ITPR1: variants seen among roughly 807,000 people sequenced by gnomAD.
ITPR1 encodes inositol 1,4,5-trisphosphate-gated calcium channel ITPR1.
In ITPR1, 96 loss-of-function variants were observed where a neutral mutation model predicts 318.4. The ratio of observed to expected loss-of-function variants is 0.30; its 90% CI spans 0.26 to 0.36. ITPR1 has a LOEUF of 0.36. Ranked by LOEUF, ITPR1 falls within the 10% of genes least tolerant of loss-of-function variation. ITPR1 has a pLI of 1.00. For synonymous variants in ITPR1, 1,312 were observed against 1,289.9 expected, an observed-to-expected ratio of 1.02 and a Z score of -0.37; for missense variants, 2,440 against 3,460.2, an observed-to-expected ratio of 0.71 and a Z score of 7.40.
intron 60 of ITPR1, among the ~76,000 whole-genome samples, chr3:4,822,398 C>G (rs547110838): frequency 1.3e-5 from 2 of 152,334 alleles, no homozygotes; most frequent in South Asian, 4.1e-4. Context: ...CTCTAAGAGC[C>G]TCCTCCTCTG....
At chr3:4,706,880 A>G (rs1359061733) in intron 37 of ITPR1, among the ~76,000 whole-genome samples, 1 of 152,214 alleles carries the variant, frequency 6.6e-6, no homozygotes, top group Non-Finnish European at 1.5e-5. Context: ...ATTAGATGTT[A>G]AGCACTTAAA....
intron 51 of ITPR1, among the ~76,000 whole-genome samples, chr3:4,784,391 G>A (rs1221829896): frequency 6.6e-6 from 1 of 151,992 alleles, no homozygotes; most frequent in Non-Finnish European, 1.5e-5. Flanking sequence ...AGGCTTCAAG[G>A]CTCAGGGCAT....
At chr3:4,549,877 C>A (rs906262834) in intron 4 of ITPR1, among the ~76,000 whole-genome samples, 1 of 152,080 alleles carries the variant, frequency 6.6e-6, no homozygotes, top group African/African-American at 2.4e-5. Flanking sequence ...CGGAACCTTT[C>A]GAGGGCAGAA....
chr3:4,754,920 GAA>G (rs2044837619), intron 44 of ITPR1, among the ~76,000 whole-genome samples: 1 of 152,214 alleles, frequency 6.6e-6, no homozygotes, highest in South Asian at 2.1e-4. Context: ...GACTTGGCTG[GAA>G]GAGACAGACG....
chr3:4,779,716 T>A lies in ITPR1; in HGVS notation c.6387+71T>A, dbSNP rs2046699614. The A allele has an allele frequency of 2.8e-6, 3 of 1,086,818 alleles. No individual in the cohort carries two copies. The highest frequency in any genetic ancestry group is 4.9e-5 in the East Asian group (2 of 40,918). The allele number at this position is 1,086,818 out of a possible 1,614,324, so 67.3% of individuals were successfully genotyped here. ...ACGATATTTGGGACAGAGCAGAGGA[T>A]CTGCTTCCTGGAGCTTTCTTGAAGG... On this transcript the variant is annotated intron_variant, in intron 49 of 61. Transcript: ENST00000649015. This position sits in a 1 kb window ranked among gnomAD's most constrained non-coding sequence, Gnocchi z 4.0.
intron 60 of ITPR1, 80 bp downstream of exon 60, chr3:4,818,322 G>T (rs2049440757): frequency 8.7e-7 from 1 of 1,148,478 alleles, no homozygotes; most frequent in Non-Finnish European, 1.2e-6. Flanking sequence ...GCCCATCGGG[G>T]AGCTGCACAA....
intron 4 of ITPR1, among the ~76,000 whole-genome samples, chr3:4,543,521 G>C (rs1018164846): frequency 1.3e-5 from 2 of 152,214 alleles, no homozygotes; most frequent in African/African-American, 4.8e-5. Flanking sequence ...GTAATCAAGG[G>C]ATAAAGAATG....
chr3:4,506,661 G>A (rs1400326749), intron 2 of ITPR1, among the ~76,000 whole-genome samples: 1 of 152,154 alleles, frequency 6.6e-6, no homozygotes. Flanking sequence ...TATAGGGGTG[G>A]CATATAGTAG....
intron 4 of ITPR1, among the ~76,000 whole-genome samples, chr3:4,558,369 T>A (rs943168183): frequency 6.6e-6 from 1 of 152,192 alleles, no homozygotes; most frequent in South Asian, 2.1e-4. Context: ...TAGAAAAATA[T>A]TTACATGGTT....
intron 5 of ITPR1, 60 bp downstream of exon 5, chr3:4,627,938 T>C: frequency 1.0e-6 from 1 of 1,000,972 alleles, no homozygotes; most frequent in Non-Finnish European, 1.5e-6. Flanking sequence ...TGGTGGTATC[T>C]GGGTGTAATG....
At chr3:4,513,341 C>T (rs571187049) in intron 2 of ITPR1, among the ~76,000 whole-genome samples, 25 of 152,128 alleles carry the variant, frequency 1.6e-4, no homozygotes, top group African/African-American at 2.7e-4. Flanking sequence ...TTCACTAAGG[C>T]GAGGCCGGAG....
intron 44 of ITPR1, among the ~76,000 whole-genome samples, chr3:4,739,619 T>C (rs1324128750): frequency 1.3e-5 from 2 of 152,190 alleles, no homozygotes; most frequent in African/African-American, 4.8e-5. Flanking sequence ...AAACCCATGA[T>C]AAAATATCCT....
chr3:4,668,251 A>G (rs939686182), intron 18 of ITPR1, among the ~76,000 whole-genome samples: 2 of 101,418 alleles, frequency 2.0e-5, no homozygotes. Flanking sequence ...TAACATCCCC[A>G]CCTCCCCCCT....
intron 10 of ITPR1, among the ~76,000 whole-genome samples, chr3:4,647,655 A>T (rs1486060150): frequency 6.6e-6 from 1 of 152,204 alleles, no homozygotes; most frequent in Non-Finnish European, 1.5e-5. Flanking sequence ...ACATAGTGAA[A>T]TTTCAATGTG....
intron 4 of ITPR1, among the ~76,000 whole-genome samples, chr3:4,583,982 C>T (rs759944465): frequency 1.6e-4 from 24 of 152,194 alleles, no homozygotes; most frequent in Non-Finnish European, 3.2e-4. Context: ...GGCTTTCTCG[C>T]TTTTCCCAGG....
intron 59 of ITPR1, among the ~76,000 whole-genome samples, chr3:4,817,201 C>T (rs1386945): frequency 0.33 from 50,856 of 152,096 alleles, 9,039 homozygotes; most frequent in East Asian, 0.47. Flanking sequence ...TGGAATCAGC[C>T]ATTTCTCCAA....
chr3:4,696,594 G>C (rs1259357366), intron 33 of ITPR1, among the ~76,000 whole-genome samples: 1 of 151,300 alleles, frequency 6.6e-6, no homozygotes, highest in Non-Finnish European at 1.5e-5. Context: ...ATTTTGTATA[G>C]ACACATGTTT....
intron 4 of ITPR1, among the ~76,000 whole-genome samples, chr3:4,622,404 C>T (rs1240620145): frequency 1.3e-5 from 2 of 151,646 alleles, no homozygotes; most frequent in Non-Finnish European, 2.9e-5. Context: ...TAAGCCACTG[C>T]GGCCAGCCTT....
intron 5 of ITPR1, among the ~76,000 whole-genome samples, chr3:4,638,605 G>A (rs533720254): frequency 2.6e-5 from 4 of 152,148 alleles, no homozygotes; most frequent in Non-Finnish European, 4.4e-5. Flanking sequence ...CTTAATAAAT[G>A]CATGGTTTAA....
Sources: allele counts gnomAD v4.1 joint callset (sites outside exome capture counted in the v4.1 genomes callset), GRCh38; gene constraint gnomAD v4.1.1; non-coding constraint Gnocchi (gnomAD v3.1); transcripts MANE v1.5; gene names NCBI Gene and HGNC (gene_info 2026-07-23, HGNC 2026-07-21).